TMEM94: variants seen among roughly 807,000 people sequenced by gnomAD.
TMEM94 encodes the protein transmembrane protein 94, also known as ER Mg2+ ATPase.
A neutral mutation model predicts 158.6 loss-of-function variants in TMEM94; 81 were observed. That is an observed-to-expected ratio of 0.51 (90% CI 0.43 to 0.61). The LOEUF (loss-of-function observed/expected upper bound fraction) is 0.61, where lower values mean the gene tolerates loss of function less well. Among genes scored for constraint, TMEM94 ranks in the 20% least tolerant of loss-of-function variants. The pLI is 0.00. For synonymous variants in TMEM94, 751 were observed against 730.7 expected (o/e 1.03, Z -0.45); for missense variants, 1,435 against 1,762.0 (o/e 0.81, Z 3.32).
In TMEM94 at chr17:75,498,107, G is replaced by A. The variant is rs2052912477; in HGVS notation, c.3490-68G>A. ...CATTTACTAAGAGCCCGTTGAATAC[G>A]TGGAAGAGCTAGGAGCAGCCGGCAG... On this transcript the variant is annotated intron_variant, in intron 27 of 31. Transcript: ENST00000314256. The surrounding 1 kb of genome is among the most constrained non-coding windows in gnomAD (Gnocchi z 6.7). The A allele has an allele frequency of 5.0e-6, 8 of 1,591,854 alleles. No individual in the cohort carries two copies. The Admixed American group carries it at 5.0e-5, about 10-fold the overall frequency.
chr17:75,498,272 A>T lies in TMEM94; in HGVS notation c.3587A>T (p.Asp1196Val), dbSNP rs1325751316. The part of the protein sequence containing the change: ...CFGFTLQSFC[D>V]SSRDRNLTNC... ...GGCTTCACACTGCAGAGCTTCTGTG[A>T]CAGCTCCCGGGACCGCAACCTCACC... The change falls in exon 28 of 32, where the codon GAC (aspartate) becomes GTC (valine). Residue 1196 changes from aspartate to valine, a missense_variant. Around this residue, in one of 3 missense-constraint regions of TMEM94, gnomAD observed 335 missense variants for 409.1 expected, o/e 0.82. Transcript: ENST00000314256. The surrounding 1 kb of genome is among the most constrained non-coding windows in gnomAD (Gnocchi z 6.7). The T allele has an allele frequency of 1.2e-6, 2 of 1,613,442 alleles. No individual in the cohort carries two copies. The highest frequency in any genetic ancestry group is 1.7e-6 in the Non-Finnish European group (2 of 1,180,006).
chr17:75,490,077 CAAAA>C (rs10712311), intron 9 of TMEM94, 153 bp from the exon 10 acceptor site: 604 of 792,618 alleles, frequency 7.6e-4, no homozygotes, highest in South Asian at 1.2e-3. Flanking sequence ...GACTCCGTCT[CAAAA>C]AAAAAAAAAA....
At chr17:75,488,188 A>AACG (rs1434140712) in intron 6 of TMEM94, 54 bp downstream of exon 6, 5 of 1,565,308 alleles carry the variant, frequency 3.2e-6, no homozygotes, top group Non-Finnish European at 4.4e-6. Flanking sequence ...ATCCACAGGC[A>AACG]ACGATGGGAG....
intron 1 of TMEM94, among the ~76,000 whole-genome samples, chr17:75,461,913 C>CA (rs558520484): frequency 0.043 from 4,157 of 97,066 alleles, 108 homozygotes; most frequent in Non-Finnish European, 0.069. Flanking sequence ...GACTCCGTCT[C>CA]AAAAAAAAAA....
At chr17:75,467,514 C>A (rs56219901) in intron 1 of TMEM94, among the ~76,000 whole-genome samples, 9,181 of 133,788 alleles carry the variant, frequency 0.069, 393 homozygotes, top group Non-Finnish European at 0.097. Flanking sequence ...CCATCCATTT[C>A]TTTTTCTTTT....
intron 2 of TMEM94, among the ~76,000 whole-genome samples, chr17:75,472,844 G>A (rs943322468): frequency 1.6e-4 from 24 of 152,028 alleles, no homozygotes; most frequent in Non-Finnish European, 2.6e-4. Flanking sequence ...CCCTTTTTCT[G>A]GAAACTTCTT....
chr17:75,488,675 A>T, intron 6 of TMEM94, 84 bp from the exon 7 acceptor site: 1 of 1,504,762 alleles, frequency 6.6e-7, no homozygotes, highest in Non-Finnish European at 9.2e-7. Flanking sequence ...ACCCCAGCGA[A>T]TGTCTGTACT....
chr17:75,479,583 G>A (rs1371289948), intron 2 of TMEM94, among the ~76,000 whole-genome samples: 1 of 151,820 alleles, frequency 6.6e-6, no homozygotes, highest in Non-Finnish European at 1.5e-5. Flanking sequence ...CTCCCAAAGT[G>A]CTGGGATTAC....
intron 2 of TMEM94, chr17:75,476,831 T>A: frequency 6.6e-7 from 1 of 1,522,378 alleles, no homozygotes; most frequent in South Asian, 1.2e-5. Context: ...GCGGTTGCTG[T>A]GAGAGTCCTG....
intron 2 of TMEM94, among the ~76,000 whole-genome samples, chr17:75,474,893 G>A (rs1479774736): frequency 6.6e-6 from 1 of 152,120 alleles, no homozygotes; most frequent in Non-Finnish European, 1.5e-5. Flanking sequence ...GTGACAGCCT[G>A]GGTTCCTGCT....
chr17:75,489,233 CCAAGTG>C lies in TMEM94; in HGVS notation c.765-32_765-27del. 1.3e-6 allele frequency: 2 copies of C among 1,597,962 alleles called. No homozygotes were observed. The highest frequency in any genetic ancestry group is 1.7e-6 in the Non-Finnish European group (2 of 1,165,462). ...AAGGTGTAGGTTTCTAGCCTCTCTGCCAAGTGAGACTGACAGTCACTTCTTTCTGCA... is the reference window on the plus strand; with the variant it reads ...AAGGTGTAGGTTTCTAGCCTCTCTGCAGACTGACAGTCACTTCTTTCTGCA... On this transcript the variant is annotated intron_variant, in intron 7 of 31. Coordinates refer to ENST00000314256, the MANE Select transcript of TMEM94 (RefSeq NM_014738.6). This position sits in a 1 kb window ranked among gnomAD's most constrained non-coding sequence, Gnocchi z 5.0.
rs187346394 is a variant in TMEM94, at chr17:75,489,816, C to T, written c.954+154C>T. 16 of 694,948 alleles carry T rather than the reference C, an allele frequency of 2.3e-5. No homozygotes were observed. The highest frequency in any genetic ancestry group is 9.9e-6 in the Non-Finnish European group (4 of 402,712). 43.0% of individuals were successfully genotyped at this position (694,948 alleles called of 1,614,324 possible). A position where few individuals can be genotyped will look rare whatever the true frequency, so the allele number is the denominator to read the frequency against. ...CTCTTTCCAGCTGGGCGTGGGGACT[C>T]AGGCCTGTAATCCAAGCACTTTGGG... is the stretch of plus-strand genomic sequence containing the variant. On this transcript the variant is annotated intron_variant, in intron 9 of 31. Transcript: ENST00000314256. This position sits in a 1 kb window ranked among gnomAD's most constrained non-coding sequence, Gnocchi z 5.0.
intron 2 of TMEM94, among the ~76,000 whole-genome samples, chr17:75,476,998 G>T (rs1175893579): frequency 1.3e-5 from 2 of 152,152 alleles, no homozygotes; most frequent in African/African-American, 4.8e-5. Context: ...CCTCCCAGGG[G>T]ATACCCTGCC....
At position 75,497,138 on chromosome 17, in the gene TMEM94, C is replaced by T. The variant is rs1050889119; in HGVS notation, c.3347C>T (p.Pro1116Leu). 8 of 1,613,930 alleles carry T rather than the reference C, an allele frequency of 5.0e-6. No individual in the cohort carries two copies. The highest frequency in any genetic ancestry group is 6.8e-6 in the Non-Finnish European group (8 of 1,179,998). The change falls in exon 26 of 32, where the codon CCG becomes CTG. Residue 1116 changes from proline to leucine, a missense_variant. Physicochemically the swap from Pro to Leu is moderately conservative, Grantham distance 98. Coordinates refer to ENST00000314256, the MANE Select transcript of TMEM94 (RefSeq NM_014738.6). ...IQFLSCLVQLPPLLSTTDILW... is the reference protein window; with the variant it reads ...IQFLSCLVQLLPLLSTTDILW... Reference sequence around the variant, plus strand: ...TTCCTTTCTTGCCTGGTCCAGCTGCCGCCACTCCTGAGTACCACCGACATC... The same window carrying T: ...TTCCTTTCTTGCCTGGTCCAGCTGCTGCCACTCCTGAGTACCACCGACATC...
Position 75,496,415 on chromosome 17 carries a change from T to C in TMEM94, c.3187T>C (p.Cys1063Arg). ...GTCAGGGCAGCTCAACAGCCTGCCC[T>C]GTTCCCTGACCTTTCGCCAGGAGGA... Reference protein sequence around the residue: ...QLSGQLNSLPCSLTFRQEETI... With the variant: ...QLSGQLNSLPRSLTFRQEETI... The change falls in exon 24 of 32, where the codon TGT becomes CGT. Residue 1063 changes from cysteine to arginine, a missense_variant. By Grantham distance (180) the Cys-to-Arg change is radical. Coordinates refer to ENST00000314256, the MANE Select transcript of TMEM94 (RefSeq NM_014738.6). The C allele has an allele frequency of 6.2e-7, 1 of 1,613,854 alleles. No homozygotes were observed. Among genetic ancestry groups the C allele is most frequent in the African/African-American group, 1.3e-5 (1 of 75,064 alleles).
chr17:75,461,199 A>G (rs1424956371), intron 1 of TMEM94, among the ~76,000 whole-genome samples: 1 of 148,486 alleles, frequency 6.7e-6, no homozygotes, highest in African/African-American at 2.5e-5. Context: ...TCCCGAGTTC[A>G]AGCAATTCTC....
In TMEM94 at chr17:75,495,861, G is replaced by C; in HGVS notation, c.2945-105G>C. On this transcript the variant is annotated intron_variant, in intron 22 of 31. Coordinates refer to ENST00000314256, the MANE Select transcript of TMEM94 (RefSeq NM_014738.6). The surrounding 1 kb of genome is among the most constrained non-coding windows in gnomAD (Gnocchi z 5.6). ...GGGGGTGGGATTGTTTCAAAGAGGG[G>C]CCCACCTCCCATCGCCTCCTGCTCT... 2 of 884,934 alleles carry C rather than the reference G, an allele frequency of 2.3e-6. No individual in the cohort carries two copies. The highest frequency in any genetic ancestry group is 3.6e-6 in the Non-Finnish European group (2 of 555,970). The allele number at this position is 884,934 out of a possible 1,614,324, so 54.8% of individuals were successfully genotyped here.
At chr17:75,467,824 G>A (rs1380235072) in intron 1 of TMEM94, among the ~76,000 whole-genome samples, 3 of 152,102 alleles carry the variant, frequency 2.0e-5, no homozygotes, top group Non-Finnish European at 4.4e-5. Flanking sequence ...GAGCCACCGC[G>A]CCCGGCCCCA....
rs201938519 is a variant in TMEM94 at position 75,495,048 on chromosome 17, C to T, written c.2728+14C>T. On this transcript the variant is annotated intron_variant, in intron 20 of 31. Transcript: ENST00000314256. The surrounding 1 kb of genome is among the most constrained non-coding windows in gnomAD (Gnocchi z 5.6). ...ACCTGAATCAGGGTAAGGGCAAAGGCGTGGGGTGGGGACGGGGTGGCGGTG... is the reference window on the plus strand; with the variant it reads ...ACCTGAATCAGGGTAAGGGCAAAGGTGTGGGGTGGGGACGGGGTGGCGGTG... The T allele has an allele frequency of 1.9e-3, 1,602 of 830,314 alleles. 4 individuals are homozygous for T. The highest frequency in any genetic ancestry group is 2.5e-3 in the Non-Finnish European group (1,345 of 532,616). The allele number at this position is 830,314 out of a possible 1,614,324, so 51.4% of individuals were successfully genotyped here.
Sources: allele counts gnomAD v4.1 joint callset (sites outside exome capture counted in the v4.1 genomes callset), GRCh38; gene constraint gnomAD v4.1.1; regional missense constraint gnomAD v4.1.1; non-coding constraint Gnocchi (gnomAD v3.1); transcripts MANE v1.5; gene names NCBI Gene and HGNC (gene_info 2026-07-23, HGNC 2026-07-21).